Variants in SEMA3A observed in about 807,000 individuals in gnomAD.
SEMA3A encodes the protein semaphorin-3A.
A neutral mutation model predicts 97.9 loss-of-function variants in SEMA3A; 29 were observed. That is an observed-to-expected ratio of 0.30 (90% confidence interval 0.22 to 0.40). The LOEUF (loss-of-function observed/expected upper bound fraction) is 0.40, where lower values mean the gene tolerates loss of function less well. SEMA3A is among the 10% of genes least tolerant of loss of function. The probability of loss-of-function intolerance (pLI) is 1.00; values close to 1 mark genes in which losing one functional copy is unlikely to be tolerated. For missense variants in SEMA3A, 763 were observed against 951.3 expected, an observed-to-expected ratio of 0.80 and a Z score of 2.60; for synonymous variants, 321 against 323.7, an observed-to-expected ratio of 0.99 and a Z score of 0.09.
chr7:84,448,745 T>C (rs1805488081), intron 1 of SEMA3A, among the ~76,000 whole-genome samples: 1 of 151,996 alleles, frequency 6.6e-6, no homozygotes, highest in Non-Finnish European at 1.5e-5. Flanking sequence ...CACAAAGTGA[T>C]TTACAAATTC....
At position 84,478,169 on chromosome 7, in the gene SEMA3A, G is replaced by C. The variant is rs537247670; in HGVS notation, c.-246+14291C>G. ...ACCTTCTAGTGTCAGTTCCCTGCGGGACTTGGAGCAAAACTGAGCACTCTG... is the reference window on the plus strand; with the variant it reads ...ACCTTCTAGTGTCAGTTCCCTGCGGCACTTGGAGCAAAACTGAGCACTCTG... On this transcript the variant is annotated intron_variant, in intron 1 of 3. Transcript: ENST00000424555. Among the ~76,000 whole-genome samples, 9 of 152,244 alleles carry C rather than the reference G, an allele frequency of 5.9e-5. No individual in the cohort carries two copies. The East Asian group carries it at 7.7e-4, about 13-fold the overall frequency.
chr7:84,160,579 C>CA (rs750828789), intron 1 of SEMA3A, among the ~76,000 whole-genome samples: 2 of 150,086 alleles, frequency 1.3e-5, no homozygotes, highest in East Asian at 4.0e-4. Flanking sequence ...AACAAACAAA[C>CA]AAAAAAATTC....
chr7:84,444,753 G>T lies in SEMA3A; in HGVS notation c.-246+47707C>A, dbSNP rs188561987. 6.7e-3 allele frequency among the ~76,000 whole-genome samples: 1,010 copies of T among 151,486 alleles called. 24 individuals are homozygous for T. The highest frequency in any genetic ancestry group is 0.04 in the Admixed American group (616 of 15,236). On this transcript the variant is annotated intron_variant, in intron 1 of 3. Transcript: ENST00000424555. ...ATTTTTTGTATTTTTAGTAGAGACGGGGTTCACCGTGTTAGCCAGGATGGT... is the reference window on the plus strand; with the variant it reads ...ATTTTTTGTATTTTTAGTAGAGACGTGGTTCACCGTGTTAGCCAGGATGGT...
chr7:84,244,698 T>C (rs1452478128), intron 3 of SEMA3A, among the ~76,000 whole-genome samples: 1 of 152,156 alleles, frequency 6.6e-6, no homozygotes, highest in African/African-American at 2.4e-5. Flanking sequence ...GTCTTTACAA[T>C]TTTGTGTTTT....
intron 4 of SEMA3A, among the ~76,000 whole-genome samples, chr7:84,089,692 T>C (rs1370448879): frequency 6.6e-6 from 1 of 152,062 alleles, no homozygotes. Context: ...AATTGATTGC[T>C]TTTTATAATT....
intron 3 of SEMA3A, among the ~76,000 whole-genome samples, chr7:84,200,967 G>C (rs532223152): frequency 2.0e-5 from 3 of 151,912 alleles, no homozygotes; most frequent in South Asian, 2.1e-4. Flanking sequence ...GTTGGCTATC[G>C]GGTGTTTCAG....
chr7:84,102,727 C>T (rs537973914), intron 4 of SEMA3A, among the ~76,000 whole-genome samples: 3 of 151,042 alleles, frequency 2.0e-5, no homozygotes, highest in South Asian at 2.1e-4. Context: ...ATTACAGATG[C>T]CCGCCACCAC....
At chr7:84,216,533 A>T (rs1798759721) in intron 3 of SEMA3A, among the ~76,000 whole-genome samples, 1 of 152,054 alleles carries the variant, frequency 6.6e-6, no homozygotes, top group South Asian at 2.1e-4. Flanking sequence ...AATTTTACTG[A>T]TATTTTTTAG....
chr7:84,228,049 T>C (rs1193053448), intron 3 of SEMA3A, among the ~76,000 whole-genome samples: 2 of 151,988 alleles, frequency 1.3e-5, no homozygotes, highest in Non-Finnish European at 2.9e-5. Flanking sequence ...ATTCTTCTGT[T>C]CTATCAATAT....
chr7:84,210,217 A>G lies in SEMA3A; in HGVS notation c.-82-15549T>C, dbSNP rs564788183. On this transcript the variant is annotated intron_variant, in intron 3 of 3. Transcript: ENST00000424555. ...GATTCCTGCCCTTGAGGAGGTCCCA[A>G]TCTAATGAGGGAAAGAGTTACATAA... Among the ~76,000 whole-genome samples, 66 of 152,264 alleles carry G rather than the reference A, an allele frequency of 4.3e-4. No homozygotes were observed. The South Asian group carries it at 5.0e-3, about 11-fold the overall frequency.
intron 5 of SEMA3A, among the ~76,000 whole-genome samples, chr7:84,059,870 G>C (rs1469521044): frequency 6.6e-6 from 1 of 152,040 alleles, no homozygotes. Flanking sequence ...GTTAACTCCA[G>C]TCCGGAGGTA....
intron 1 of SEMA3A, among the ~76,000 whole-genome samples, chr7:84,424,860 A>G (rs1390104778): frequency 5.2e-5 from 4 of 76,888 alleles, no homozygotes; most frequent in African/African-American, 1.6e-4. Flanking sequence ...TAAATAATTT[A>G]TATAAATATA....
At chr7:84,061,377 G>A (rs569129508) in intron 4 of SEMA3A, among the ~76,000 whole-genome samples, 1 of 152,110 alleles carries the variant, frequency 6.6e-6, no homozygotes, top group African/African-American at 2.4e-5. Context: ...ACTAATTCAC[G>A]CTTGAGACCC....
At chr7:84,459,859 CAATACAA>C (rs1805779356) in intron 1 of SEMA3A, among the ~76,000 whole-genome samples, 1 of 151,960 alleles carries the variant, frequency 6.6e-6, no homozygotes, top group South Asian at 2.1e-4. Flanking sequence ...AAAACCCTGT[CAATACAA>C]AAATACAAAA....
intron 1 of SEMA3A, among the ~76,000 whole-genome samples, chr7:84,423,025 G>C (rs948694031): frequency 6.6e-6 from 1 of 151,908 alleles, no homozygotes; most frequent in Non-Finnish European, 1.5e-5. Context: ...TCACCATCCA[G>C]TGATTAATAT....
intron 2 of SEMA3A, among the ~76,000 whole-genome samples, chr7:84,342,984 A>T (rs1802207893): frequency 6.6e-6 from 1 of 152,226 alleles, no homozygotes; most frequent in African/African-American, 2.4e-5. Flanking sequence ...ACAACTAATG[A>T]GTATTTAATG....
chr7:84,367,714 A>G (rs1226381780), intron 2 of SEMA3A, among the ~76,000 whole-genome samples: 1 of 151,144 alleles, frequency 6.6e-6, no homozygotes, highest in Non-Finnish European at 1.5e-5. Context: ...CAAGACTTGC[A>G]TTTGGAATAA....
intron 3 of SEMA3A, chr7:84,306,462 A>G (rs1204268380): frequency 6.6e-6 from 1 of 152,136 alleles, no homozygotes; most frequent in Non-Finnish European, 1.5e-5. Context: ...ACAGTCCCAT[A>G]CAATATAGAT....
intron 1 of SEMA3A, among the ~76,000 whole-genome samples, chr7:84,401,227 A>C (rs994494616): frequency 2.0e-5 from 3 of 152,192 alleles, no homozygotes; most frequent in Non-Finnish European, 2.9e-5. Flanking sequence ...ATAGTGAACA[A>C]TTTGAAAAAG....
Sources: gnomAD v4.1 joint callset for allele counts (sites outside exome capture counted in the v4.1 genomes callset) on GRCh38, gnomAD v4.1.1 for gene constraint, MANE v1.5 for transcripts, NCBI Gene and HGNC (gene_info 2026-07-23, HGNC 2026-07-21) for gene names.